The following ADAMTS18 variants were observed in gnomAD, a reference collection of about 807,000 sequenced individuals.
The protein encoded by ADAMTS18 is A disintegrin and metalloproteinase with thrombospondin motifs 18.
ADAMTS18 carries 157 observed loss-of-function variants against 165.9 expected under a neutral mutation model. That is an observed-to-expected ratio of 0.95 (90% CI 0.83 to 1.08). ADAMTS18 has a LOEUF of 1.08. ADAMTS18 is among the 50% of genes least tolerant of loss of function. ADAMTS18 has a pLI of 0.00. For missense variants in ADAMTS18, 2,040 were observed against 1,534.0 expected (o/e 1.33, Z -5.51); for synonymous variants, 782 against 578.2 (o/e 1.35, Z -5.06).
intron 3 of ADAMTS18, among the ~76,000 whole-genome samples, chr16:77,402,892 G>C (rs1043610112): frequency 6.6e-5 from 10 of 152,104 alleles, no homozygotes; most frequent in Non-Finnish European, 1.3e-4. Flanking sequence ...CTTCCTCATG[G>C]GAAATGCCCC....
At chr16:77,364,011 T>C (rs2056754803) in intron 5 of ADAMTS18, 126 bp from the exon 6 acceptor site, 12 of 1,220,782 alleles carry the variant, frequency 9.8e-6, no homozygotes, top group South Asian at 6.5e-5. Context: ...ATAAATACAA[T>C]TTCCTCAAAA....
At chr16:77,289,975 G>A (rs1028176476) in intron 21 of ADAMTS18, among the ~76,000 whole-genome samples, 2 of 152,166 alleles carry the variant, frequency 1.3e-5, no homozygotes, top group African/African-American at 2.4e-5. Context: ...CTTTCTTCCA[G>A]ACAGCCATAT....
intron 14 of ADAMTS18, 25 bp downstream of exon 14, chr16:77,322,311 C>G (rs369231758): frequency 1.2e-6 from 2 of 1,613,580 alleles, no homozygotes; most frequent in African/African-American, 2.7e-5. Context: ...TGCTCATACA[C>G]TCCAAAGCAG....
At chr16:77,412,214 TTCTAAC>T (rs2057473824) in intron 3 of ADAMTS18, among the ~76,000 whole-genome samples, 1 of 152,208 alleles carries the variant, frequency 6.6e-6, no homozygotes, top group Non-Finnish European at 1.5e-5. Flanking sequence ...TTCTGCTGCC[TTCTAAC>T]TCAGACTGTA....
At chr16:77,333,819 T>C (rs944163528) in intron 12 of ADAMTS18, among the ~76,000 whole-genome samples, 3 of 147,408 alleles carry the variant, frequency 2.0e-5, no homozygotes, top group Non-Finnish European at 3.0e-5. Flanking sequence ...AGATACTATA[T>C]ATTAATAGTA....
intron 3 of ADAMTS18, among the ~76,000 whole-genome samples, chr16:77,392,977 T>G (rs535038294): frequency 8.4e-4 from 127 of 151,350 alleles, no homozygotes; most frequent in African/African-American, 2.9e-3. Context: ...AGCAGGAAAA[T>G]GTAGGCAGTA....
intron 3 of ADAMTS18, among the ~76,000 whole-genome samples, chr16:77,424,685 G>A (rs2057649059): frequency 6.6e-6 from 1 of 152,104 alleles, no homozygotes; most frequent in Admixed American, 6.5e-5. Context: ...GAGGAGAGAA[G>A]CCAGAACAAA....
chr16:77,361,168 A>G (rs1597170137), intron 7 of ADAMTS18, among the ~76,000 whole-genome samples: 1 of 152,212 alleles, frequency 6.6e-6, no homozygotes, highest in Non-Finnish European at 1.5e-5. Context: ...GCTGCTTTTG[A>G]ACAATACAGC....
At chr16:77,295,261 T>C (rs942955278) in intron 18 of ADAMTS18, 134 bp from the exon 19 acceptor site, 1 of 925,732 alleles carries the variant, frequency 1.1e-6, no homozygotes, top group African/African-American at 1.6e-5. Flanking sequence ...GTTATTCTAA[T>C]TGTTCTTTGA....
At chr16:77,419,973 G>A (rs966384636) in intron 3 of ADAMTS18, among the ~76,000 whole-genome samples, 8 of 139,514 alleles carry the variant, frequency 5.7e-5, no homozygotes, top group Admixed American at 3.8e-4. Flanking sequence ...ACTCCAGCCC[G>A]GGCAACAGTG....
intron 3 of ADAMTS18, among the ~76,000 whole-genome samples, chr16:77,412,125 T>C (rs1286684517): frequency 6.6e-6 from 1 of 152,006 alleles, no homozygotes; most frequent in African/African-American, 2.4e-5. Flanking sequence ...GTGGGTCTCA[T>C]TCATCCACTG....
intron 16 of ADAMTS18, among the ~76,000 whole-genome samples, chr16:77,302,866 G>C (rs1198457856): frequency 6.6e-6 from 1 of 152,042 alleles, no homozygotes; most frequent in Non-Finnish European, 1.5e-5. Flanking sequence ...TGAACAGCAG[G>C]ATGTGTTCAA....
rs772795750 is a variant in ADAMTS18 at position 77,297,266 on chromosome 16, A to C, written c.2801+23T>G. The C allele has an allele frequency of 1.7e-5, 27 of 1,613,934 alleles. No individual in the cohort carries two copies. The Admixed American group carries it at 3.8e-4, about 23-fold the overall frequency. On this transcript the variant is annotated intron_variant, in intron 18 of 22. Coordinates refer to ENST00000282849, the MANE Select transcript of ADAMTS18 (RefSeq NM_199355.4). ...GGCATACAAGTACAAAACTAAACAA[A>C]AAGACACTTCCAAATGACTTACTAA...
chr16:77,337,931 T>C (rs1321673274), intron 11 of ADAMTS18, among the ~76,000 whole-genome samples: 1 of 150,240 alleles, frequency 6.7e-6, no homozygotes, highest in Non-Finnish European at 1.5e-5. Context: ...TTGACAAAGT[T>C]TCACTCTTGT....
intron 3 of ADAMTS18, among the ~76,000 whole-genome samples, chr16:77,393,545 G>C (rs1168775379): frequency 6.6e-6 from 1 of 152,128 alleles, no homozygotes; most frequent in Non-Finnish European, 1.5e-5. Context: ...AGATCCAAAA[G>C]GCAGATGGAA....
chr16:77,411,630 G>A (rs1054134456), intron 3 of ADAMTS18, among the ~76,000 whole-genome samples: 69 of 148,214 alleles, frequency 4.7e-4, no homozygotes, highest in African/African-American at 1.5e-3. Context: ...AAGGCCTTGT[G>A]ATGGTTAATT....
chr16:77,379,955 T>G (rs1224474544), intron 3 of ADAMTS18, among the ~76,000 whole-genome samples: 1 of 152,216 alleles, frequency 6.6e-6, no homozygotes, highest in Non-Finnish European at 1.5e-5. Context: ...ATCTCCAATC[T>G]TGGCATGCAG....
chr16:77,396,803 T>TTA (rs1480735738), intron 3 of ADAMTS18, among the ~76,000 whole-genome samples: 2 of 139,246 alleles, frequency 1.4e-5, no homozygotes, highest in Admixed American at 1.4e-4. Flanking sequence ...TTCATTGCCT[T>TTA]TTTTTTTTTT....
chr16:77,373,352 G>A (rs972327946), intron 3 of ADAMTS18, among the ~76,000 whole-genome samples: 10 of 151,890 alleles, frequency 6.6e-5, no homozygotes, highest in East Asian at 3.9e-4. Context: ...CCAGCTACTC[G>A]GGAGGCTGAG....
Sources: gnomAD v4.1 joint callset for allele counts (sites outside exome capture counted in the v4.1 genomes callset) on GRCh38, gnomAD v4.1.1 for gene constraint, MANE v1.5 for transcripts, NCBI Gene and HGNC (gene_info 2026-07-23, HGNC 2026-07-21) for gene names.